Variants in NKTR observed in about 807,000 individuals in gnomAD.
NKTR encodes NK-tumor recognition protein.
In NKTR, 67 loss-of-function variants were observed where a neutral mutation model predicts 156.3. The observed-to-expected ratio is 0.43, with a 90% CI of 0.35 to 0.53. The LOEUF is 0.53. Ranked by LOEUF, NKTR falls within the 20% of genes least tolerant of loss-of-function variation. The pLI is 0.01. For missense variants in NKTR, 1,604 were observed against 1,730.9 expected (o/e 0.93, Z 1.30); for synonymous variants, 640 against 596.6 (o/e 1.07, Z -1.06).
At chr3:42,612,191 T>G (rs1475770098) in intron 2 of NKTR, 1 of 152,200 alleles carries the variant, frequency 6.6e-6, no homozygotes, top group Admixed American at 6.5e-5. Context: ...GTGTGCATAA[T>G]CTACCATTTT....
At chr3:42,622,048 CATTTT>C (rs1274082676) in intron 6 of NKTR, among the ~76,000 whole-genome samples, 1 of 151,970 alleles carries the variant, frequency 6.6e-6, no homozygotes, top group Non-Finnish European at 1.5e-5. Flanking sequence ...TTAAAAAACT[CATTTT>C]ATGAGGTCTC....
At chr3:42,620,119 C>G (rs1438243020) in intron 5 of NKTR, 1 of 1,498,484 alleles carries the variant, frequency 6.7e-7, no homozygotes, top group African/African-American at 1.4e-5. Flanking sequence ...TATGGACAGT[C>G]TGGGTCAGGT....
intron 8 of NKTR, among the ~76,000 whole-genome samples, chr3:42,632,096 G>T (rs557988113): frequency 2.6e-5 from 3 of 116,554 alleles, no homozygotes; most frequent in Non-Finnish European, 4.9e-5. Context: ...TGAGACAAGA[G>T]TCTTGCTCTG....
At chr3:42,621,330 GAAGAGGAATTTC>G in intron 5 of NKTR, 87 bp from the exon 6 acceptor site, 1 of 1,468,206 alleles carries the variant, frequency 6.8e-7, no homozygotes, top group Non-Finnish European at 9.0e-7. Flanking sequence ...GTACTGACCA[GAAGAGGAATTTC>G]ATCTTTTGCT....
At chr3:42,623,298 CA>C (rs1002694569) in intron 6 of NKTR, among the ~76,000 whole-genome samples, 6 of 152,066 alleles carry the variant, frequency 3.9e-5, no homozygotes, top group Admixed American at 3.9e-4. Context: ...CTTTAGATGG[CA>C]GTAAAATCAC....
At chr3:42,606,202 C>T (rs1434215736) in intron 2 of NKTR, among the ~76,000 whole-genome samples, 1 of 152,114 alleles carries the variant, frequency 6.6e-6, no homozygotes, top group Non-Finnish European at 1.5e-5. Context: ...ATTATTGATA[C>T]TCCTAAAGAA....
In NKTR at chr3:42,646,567, G is replaced by C. The variant is rs1405243247; in HGVS notation, c.*592G>C. On this transcript the variant is annotated 3_prime_UTR_variant, in exon 17 of 17. Transcript: ENST00000232978. ...AAGTGGTCATCATACATCCCACACAGTCTGTATTACTTCAGGCTTGTGGGC... is the reference window on the plus strand; with the variant it reads ...AAGTGGTCATCATACATCCCACACACTCTGTATTACTTCAGGCTTGTGGGC... The C allele has an allele frequency of 6.5e-6, 1 of 152,768 alleles. No homozygotes were observed. The highest frequency in any genetic ancestry group is 1.5e-5 in the Non-Finnish European group (1 of 68,180). 9.5% of individuals were successfully genotyped at this position (152,768 alleles called of 1,614,324 possible).
intron 9 of NKTR, chr3:42,633,078 T>TA: frequency 3.8e-6 from 4 of 1,041,294 alleles, no homozygotes; most frequent in Non-Finnish European, 4.8e-6. Context: ...CTTGCTCTGT[T>TA]ATCCAGGCTG....
At chr3:42,602,979 TTA>T (rs1705703491) in intron 2 of NKTR, 1 of 150,580 alleles carries the variant, frequency 6.6e-6, no homozygotes, top group Non-Finnish European at 1.5e-5. Flanking sequence ...TGAGTAGAGA[TTA>T]TACCACTGCA....
At chr3:42,645,413 G>A (rs1030637356) in intron 16 of NKTR, among the ~76,000 whole-genome samples, 8 of 152,084 alleles carry the variant, frequency 5.3e-5, no homozygotes, top group South Asian at 2.1e-4. Flanking sequence ...AGTCGGGCAC[G>A]GTGGCTCACG....
At chr3:42,620,492 A>G in intron 5 of NKTR, 1 of 983,024 alleles carries the variant, frequency 1.0e-6, no homozygotes, top group Non-Finnish European at 1.2e-6. Flanking sequence ...TAATAGCTTC[A>G]GTGTTATAAT....
chr3:42,635,621 A>T (rs921476043), intron 12 of NKTR: 1 of 267,452 alleles, frequency 3.7e-6, no homozygotes, highest in African/African-American at 2.2e-5. Context: ...CAATTTTAGA[A>T]ATAATTAGGA....
Position 42,638,487 on chromosome 3 carries a change from A to G in NKTR, c.2783A>G (p.Lys928Arg). The change falls in exon 13 of 17, where the codon AAA (lysine) becomes AGA (arginine). Residue 928 changes from lysine (K) to arginine (R), a missense_variant. Lys to Arg is a conservative substitution (Grantham distance 26). Transcript: ENST00000232978. ...SESEVSEIHI[K>R]VKPTTKSSTN... is the part of the protein sequence containing the mutation. ...TCAGAGGTTAGTGAAATTCACATCA[A>G]AGTCAAACCCACAACCAAGTCGTCC... is the stretch of plus-strand genomic sequence containing the variant. 1 of 1,611,010 alleles carries G rather than the reference A, an allele frequency of 6.2e-7. No homozygotes were observed. The highest frequency in any genetic ancestry group is 1.1e-5 in the South Asian group (1 of 90,302).
At chr3:42,612,974 G>A (rs1706986577) in intron 2 of NKTR, among the ~76,000 whole-genome samples, 1 of 152,008 alleles carries the variant, frequency 6.6e-6, no homozygotes, top group East Asian at 1.9e-4. Context: ...ATTTATGAAA[G>A]TATTTTGTAA....
At chr3:42,641,630 A>G (rs775092609) in intron 13 of NKTR, among the ~76,000 whole-genome samples, 12 of 152,252 alleles carry the variant, frequency 7.9e-5, no homozygotes, top group Non-Finnish European at 1.8e-4. Flanking sequence ...CTGTAATCCC[A>G]GTACTTTGGG....
chr3:42,643,875 T>C (rs749900307), intron 15 of NKTR, 27 bp from the exon 16 acceptor site: 5 of 1,537,102 alleles, frequency 3.3e-6, no homozygotes, highest in Non-Finnish European at 4.5e-6. Context: ...TGGGAAAATT[T>C]AGTGTTTGTT....
At chr3:42,627,728 CA>C (rs1250306998) in intron 6 of NKTR, 1 of 983,550 alleles carries the variant, frequency 1.0e-6, no homozygotes, top group Admixed American at 6.2e-5. Context: ...AAAGGTTTTA[CA>C]ATTTGAAATG....
chr3:42,620,100 TAATA>T lies in NKTR; in HGVS notation c.286+396_286+399del, dbSNP rs1315886866. The T allele has an allele frequency of 3.9e-6, 6 of 1,522,802 alleles. No individual in the cohort carries two copies. The African/African-American group carries it at 8.3e-5, about 21-fold the overall frequency. 94.3% of individuals were successfully genotyped at this position (1,522,802 alleles called of 1,614,324 possible). A position where few individuals can be genotyped will look rare whatever the true frequency, so the allele number is the denominator to read the frequency against. Reference sequence around the variant, plus strand: ...CAATTCTGTTCCCTTGCACCCTTCCTAATAAATTTATGGACAGTCTGGGTCAGGT... The same window carrying T: ...CAATTCTGTTCCCTTGCACCCTTCCTAATTTATGGACAGTCTGGGTCAGGT... On this transcript the variant is annotated intron_variant, in intron 5 of 16. Transcript: ENST00000232978.
intron 2 of NKTR, among the ~76,000 whole-genome samples, chr3:42,614,853 A>G (rs1707190036): frequency 6.6e-6 from 1 of 151,820 alleles, no homozygotes; most frequent in African/African-American, 2.4e-5. Flanking sequence ...TTTTTTCAGG[A>G]TTTTAAAATT....
Sources: gnomAD v4.1 joint callset for allele counts (sites outside exome capture counted in the v4.1 genomes callset) on GRCh38, gnomAD v4.1.1 for gene constraint, MANE v1.5 for transcripts, NCBI Gene and HGNC (gene_info 2026-07-23, HGNC 2026-07-21) for gene names.